Variants in LARS2 observed in about 807,000 individuals in gnomAD.
LARS2 encodes leucyl-tRNA synthetase 2, mitochondrial, also known as leucine--tRNA ligase, mitochondrial.
Under a neutral mutation model 116.6 loss-of-function variants are expected in LARS2, and 81 were observed. That is an observed-to-expected ratio of 0.69 (90% CI 0.58 to 0.84). The LOEUF is 0.84. LARS2 is among the 40% of genes least tolerant of loss of function. LARS2 has a pLI of 0.00. For missense variants in LARS2, 968 were observed against 1,114.5 expected, an observed-to-expected ratio of 0.87 and a Z score of 1.87; for synonymous variants, 396 against 407.2, an observed-to-expected ratio of 0.97 and a Z score of 0.33.
intron 16 of LARS2, among the ~76,000 whole-genome samples, chr3:45,514,244 G>A (rs1305170244): frequency 1.3e-5 from 2 of 151,980 alleles, no homozygotes; most frequent in African/African-American, 4.8e-5. Flanking sequence ...TTGGAGACAT[G>A]CAGTATACAT....
chr3:45,524,779 G>T (rs995588025), intron 20 of LARS2, among the ~76,000 whole-genome samples: 1 of 152,130 alleles, frequency 6.6e-6, no homozygotes, highest in Non-Finnish European at 1.5e-5. Context: ...TGACGTAAAA[G>T]ATTTCTTCTA....
intron 10 of LARS2, among the ~76,000 whole-genome samples, chr3:45,483,061 C>T (rs764959458): frequency 2.6e-4 from 39 of 152,164 alleles, no homozygotes; most frequent in African/African-American, 3.6e-4. Flanking sequence ...ACAGTGCTTT[C>T]GTTAGCTAAA....
intron 15 of LARS2, among the ~76,000 whole-genome samples, chr3:45,502,730 T>G (rs1160184052): frequency 6.6e-6 from 1 of 152,128 alleles, no homozygotes; most frequent in Non-Finnish European, 1.5e-5. Context: ...ATAGCTATCT[T>G]CCAGTTTCTA....
chr3:45,517,454 T>C (rs1228591957), intron 17 of LARS2, among the ~76,000 whole-genome samples: 1 of 152,242 alleles, frequency 6.6e-6, no homozygotes, highest in African/African-American at 2.4e-5. Context: ...CCAATGCACT[T>C]CACACTCTAC....
intron 8 of LARS2, among the ~76,000 whole-genome samples, chr3:45,464,702 T>G (rs1699393146): frequency 6.6e-6 from 1 of 152,194 alleles, no homozygotes; most frequent in African/African-American, 2.4e-5. Context: ...GTGTGCATAC[T>G]GCGCCTTCTA....
intron 8 of LARS2, among the ~76,000 whole-genome samples, chr3:45,473,971 A>T (rs1699571609): frequency 6.6e-6 from 1 of 152,042 alleles, no homozygotes; most frequent in African/African-American, 2.4e-5. Flanking sequence ...GTGAATTATG[A>T]CCTTTGTTTG....
At chr3:45,412,295 T>C (rs1252456221) in intron 4 of LARS2, among the ~76,000 whole-genome samples, 3 of 151,786 alleles carry the variant, frequency 2.0e-5, no homozygotes, top group African/African-American at 7.3e-5. Context: ...TGAACCAATT[T>C]ACGCTCCCAC....
intron 19 of LARS2, among the ~76,000 whole-genome samples, chr3:45,521,753 C>CTTTTGT (rs1195246924): frequency 8.6e-5 from 13 of 152,010 alleles, no homozygotes; most frequent in Non-Finnish European, 1.6e-4. Flanking sequence ...AAACAAGATG[C>CTTTTGT]TTTTGTTTTT....
chr3:45,498,605 A>AG (rs1306349266), intron 14 of LARS2, among the ~76,000 whole-genome samples: 1 of 152,236 alleles, frequency 6.6e-6, no homozygotes, highest in African/African-American at 2.4e-5. Context: ...AAGCCAGCCA[A>AG]GTCTATCCTG....
At chr3:45,475,121 T>C (rs959592513) in intron 9 of LARS2, among the ~76,000 whole-genome samples, 2 of 152,236 alleles carry the variant, frequency 1.3e-5, no homozygotes, top group African/African-American at 4.8e-5. Context: ...TTCTGCTCTG[T>C]TCATTTAGCG....
At chr3:45,451,615 A>C (rs1185783499) in intron 7 of LARS2, among the ~76,000 whole-genome samples, 9 of 152,208 alleles carry the variant, frequency 5.9e-5, no homozygotes, top group African/African-American at 1.7e-4. Context: ...GTTTTTTAGT[A>C]TAATTTGAAA....
chr3:45,397,360 C>T (rs543054655), intron 3 of LARS2, among the ~76,000 whole-genome samples: 124 of 152,216 alleles, frequency 8.1e-4, no homozygotes, highest in African/African-American at 2.9e-3. Flanking sequence ...AAGCTGAATA[C>T]CTTTTCTGTA....
At chr3:45,450,159 T>A (rs1422149617) in intron 7 of LARS2, among the ~76,000 whole-genome samples, 1 of 152,226 alleles carries the variant, frequency 6.6e-6, no homozygotes, top group Non-Finnish European at 1.5e-5. Context: ...CATGTGATAT[T>A]TGATACATGT....
intron 4 of LARS2, among the ~76,000 whole-genome samples, chr3:45,410,109 T>G (rs1698304709): frequency 6.6e-6 from 1 of 152,224 alleles, no homozygotes; most frequent in Non-Finnish European, 1.5e-5. Context: ...TCGGTGCCAT[T>G]TTGGCAGTTC....
rs1700894736 is a variant in LARS2, at chr3:45,547,613, C to T, written c.*83C>T. 6.3e-6 allele frequency: 8 copies of T among 1,278,188 alleles called. No homozygotes were observed. Among genetic ancestry groups the T allele is most frequent in the Non-Finnish European group, 8.7e-6 (8 of 916,214 alleles). 79.2% of individuals were successfully genotyped at this position (1,278,188 alleles called of 1,614,324 possible). A position where few individuals can be genotyped will look rare whatever the true frequency, so the allele number is the denominator to read the frequency against. On this transcript the variant is annotated 3_prime_UTR_variant, in exon 22 of 22. Coordinates refer to ENST00000645846, the MANE Select transcript of LARS2 (RefSeq NM_015340.4). Reference sequence around the variant, plus strand: ...GATGAGGGGGCGATGTCTGCTGGCCCAGGGGAAGGGAAAAGACAAATGTCT... The same window carrying T: ...GATGAGGGGGCGATGTCTGCTGGCCTAGGGGAAGGGAAAAGACAAATGTCT...
At chr3:45,413,667 C>G (rs574650691) in intron 4 of LARS2, among the ~76,000 whole-genome samples, 1 of 152,312 alleles carries the variant, frequency 6.6e-6, no homozygotes, top group South Asian at 2.1e-4. Flanking sequence ...GGTCTCAGTT[C>G]TTTAGATGGA....
Position 45,476,453 on chromosome 3 carries a change from C to T in LARS2, c.859-15C>T. The T allele has an allele frequency of 6.2e-7, 1 of 1,614,062 alleles. No homozygotes were observed. Among genetic ancestry groups the T allele is most frequent in the South Asian group, 1.1e-5 (1 of 91,074 alleles). Reference sequence around the variant, plus strand: ...AGGACTGAGAAATGACATCACTCTTCTTTCCTATCACCAGGTTCATGGGCA... The same window carrying T: ...AGGACTGAGAAATGACATCACTCTTTTTTCCTATCACCAGGTTCATGGGCA... On this transcript the variant is annotated splice_polypyrimidine_tract_variant and intron_variant, in intron 9 of 21. Coordinates refer to ENST00000645846, the MANE Select transcript of LARS2 (RefSeq NM_015340.4).
At position 45,500,598 on chromosome 3, in the gene LARS2, T is replaced by A. The variant is rs1373979068; in HGVS notation, c.1760+19T>A. 4.0e-6 allele frequency: 6 copies of A among 1,511,866 alleles called. No individual in the cohort carries two copies. Among genetic ancestry groups the A allele is most frequent in the Non-Finnish European group, 5.3e-6 (6 of 1,134,922 alleles). The allele number at this position is 1,511,866 out of a possible 1,614,324, so 93.7% of individuals were successfully genotyped here. A position where few individuals can be genotyped will look rare whatever the true frequency, so the allele number is the denominator to read the frequency against. ...AACATAGGTAAGCACTTATACTGCT[T>A]TGCAAAATAATTGAGTTCCATGAAT... On this transcript the variant is annotated intron_variant, in intron 15 of 21. Transcript: ENST00000645846.
chr3:45,401,461 T>C (rs888014695), intron 4 of LARS2, among the ~76,000 whole-genome samples: 4 of 151,720 alleles, frequency 2.6e-5, no homozygotes, highest in Admixed American at 1.3e-4. Context: ...TGTAATTGTG[T>C]CACTACACTC....
Sources: allele counts gnomAD v4.1 joint callset (sites outside exome capture counted in the v4.1 genomes callset), GRCh38; gene constraint gnomAD v4.1.1; transcripts MANE v1.5; gene names NCBI Gene and HGNC (gene_info 2026-07-23, HGNC 2026-07-21).